Variants in ABCB1 observed in about 807,000 individuals in gnomAD.
ABCB1 encodes ATP binding cassette subfamily B member 1.
In ABCB1, 69 loss-of-function variants were observed where a neutral mutation model predicts 142.0. That is an observed-to-expected ratio of 0.49 (90% CI 0.40 to 0.59). The LOEUF (loss-of-function observed/expected upper bound fraction) is 0.59, where lower values mean the gene tolerates loss of function less well. ABCB1 is among the 20% of genes least tolerant of loss of function. The probability of loss-of-function intolerance (pLI) is 0.00; values close to 1 mark genes in which losing one functional copy is unlikely to be tolerated. For missense variants in ABCB1, 1,326 were observed against 1,554.7 expected (o/e 0.85, Z 2.47); for synonymous variants, 532 against 539.2 (o/e 0.99, Z 0.18).
intron 16 of ABCB1, 80 bp from the exon 17 acceptor site, chr7:87,544,355 A>G (rs1010558374): frequency 1.5e-6 from 2 of 1,361,222 alleles, no homozygotes; most frequent in East Asian, 4.6e-5. Flanking sequence ...AAAATTAGTA[A>G]AGGAATATAT....
chr7:87,596,820 T>C (rs1307139149), intron 2 of ABCB1, among the ~76,000 whole-genome samples: 2 of 152,054 alleles, frequency 1.3e-5, no homozygotes, highest in African/African-American at 4.8e-5. Flanking sequence ...AACACAACTC[T>C]TCAGGTTTGG....
intron 9 of ABCB1, among the ~76,000 whole-genome samples, chr7:87,553,317 C>CTTTTTTT (rs941637830): frequency 2.7e-5 from 3 of 112,662 alleles, no homozygotes; most frequent in African/African-American, 3.6e-5. Context: ...TTTTTTTCCA[C>CTTTTTTT]TTTTTTTTTT....
chr7:87,604,075 A>G (rs1819558658), upstream of ABCB1, among the ~76,000 whole-genome samples: 1 of 152,148 alleles, frequency 6.6e-6, no homozygotes, highest in Non-Finnish European at 1.5e-5. Flanking sequence ...CTCATATCCC[A>G]GCTCTGAGTC....
chr7:87,706,322 T>C (rs569269018), intron 1 of ABCB1, among the ~76,000 whole-genome samples: 2 of 152,254 alleles, frequency 1.3e-5, no homozygotes, highest in South Asian at 4.2e-4. Flanking sequence ...GTAATCTGAT[T>C]TCCATTTTAT....
chr7:87,591,291 T>C (rs954923261), intron 3 of ABCB1, among the ~76,000 whole-genome samples: 3 of 152,202 alleles, frequency 2.0e-5, no homozygotes, highest in East Asian at 1.9e-4. Flanking sequence ...TTTAGCCCAG[T>C]AAAACTTCGA....
At chr7:87,606,450 A>G (rs2130032002) in intron 1 of ABCB1, among the ~76,000 whole-genome samples, 1 of 152,290 alleles carries the variant, frequency 6.6e-6, no homozygotes, top group East Asian at 1.9e-4. Context: ...AGAAAAAAAT[A>G]TCAGCCAAAG....
intron 2 of ABCB1, among the ~76,000 whole-genome samples, chr7:87,598,160 A>G (rs1475747206): frequency 6.6e-6 from 1 of 152,176 alleles, no homozygotes; most frequent in Non-Finnish European, 1.5e-5. Context: ...CATGTAGAAA[A>G]TCCAATCTTT....
intron 17 of ABCB1, among the ~76,000 whole-genome samples, chr7:87,541,691 C>T (rs1013227462): frequency 7.2e-5 from 11 of 152,174 alleles, no homozygotes; most frequent in East Asian, 3.8e-4. Flanking sequence ...TTTTTCTGTT[C>T]GGATTCCCTC....
intron 23 of ABCB1, among the ~76,000 whole-genome samples, chr7:87,517,248 T>G (rs1395153092): frequency 6.6e-6 from 1 of 152,180 alleles, no homozygotes; most frequent in Admixed American, 6.5e-5. Flanking sequence ...TGGGCTGGCC[T>G]TGTGACTTGC....
At position 87,563,072 on chromosome 7, in the gene ABCB1, T is replaced by A. The variant is rs531399177; in HGVS notation, c.703-1685A>T. Among the ~76,000 whole-genome samples the A allele has an allele frequency of 2.0e-5, 3 of 152,278 alleles. No individual in the cohort carries two copies. In the East Asian group the frequency reaches 5.8e-4, roughly 29 times the overall value. ...AACTAGAAAATCTAGAATAAATGGA[T>A]AAATTACTGAACACATACATCCTCC... is the stretch of plus-strand genomic sequence containing the variant. On this transcript the variant is annotated intron_variant, in intron 7 of 27. Coordinates refer to ENST00000622132, the MANE Select transcript of ABCB1 (RefSeq NM_001348946.2).
At chr7:87,660,301 G>A (rs1824557969) in intron 1 of ABCB1, among the ~76,000 whole-genome samples, 1 of 151,892 alleles carries the variant, frequency 6.6e-6, no homozygotes, top group African/African-American at 2.4e-5. Context: ...ACTCTATTCA[G>A]GTTGTTGATT....
intron 1 of ABCB1, among the ~76,000 whole-genome samples, chr7:87,703,912 TGGTTTTTTTTTTTTTTTTTTTTTTTTTTG>T (rs2130711771): frequency 1.6e-5 from 1 of 62,764 alleles, no homozygotes; most frequent in African/African-American, 7.4e-5. Context: ...TTTTTTTTTT[TGGTTTTTTTTTTTTTTTTTTTTTTTTTTG>T]AGACAGTCTA....
chr7:87,589,805 G>A (rs866689530), intron 3 of ABCB1, among the ~76,000 whole-genome samples: 4 of 105,366 alleles, frequency 3.8e-5, no homozygotes, highest in Admixed American at 1.9e-4. Context: ...GAGAGAGAGA[G>A]GAGAGAGAGA....
chr7:87,554,376 A>G (rs772280843), intron 8 of ABCB1, among the ~76,000 whole-genome samples: 1 of 151,438 alleles, frequency 6.6e-6, no homozygotes, highest in Non-Finnish European at 1.5e-5. Context: ...ATCTCTGAAC[A>G]TTAAGGAAGT....
intron 4 of ABCB1, among the ~76,000 whole-genome samples, chr7:87,583,548 G>A (rs554618225): frequency 6.6e-6 from 1 of 152,258 alleles, no homozygotes; most frequent in Admixed American, 6.5e-5. Flanking sequence ...CTATGAAGAT[G>A]GAAATCTAAA....
chr7:87,702,087 G>A (rs1462672987), intron 1 of ABCB1, among the ~76,000 whole-genome samples: 1 of 126,808 alleles, frequency 7.9e-6, no homozygotes, highest in East Asian at 2.6e-4. Flanking sequence ...AGCTTGCAGT[G>A]AGCAGAGATC....
At chr7:87,699,131 A>C (rs545763142) in intron 1 of ABCB1, among the ~76,000 whole-genome samples, 2 of 152,256 alleles carry the variant, frequency 1.3e-5, no homozygotes, top group South Asian at 4.2e-4. Flanking sequence ...ATTGGTCCTA[A>C]AATGGTGCTT....
At chr7:87,669,841 T>G (rs991561014) in intron 1 of ABCB1, among the ~76,000 whole-genome samples, 1 of 152,240 alleles carries the variant, frequency 6.6e-6, no homozygotes, top group Non-Finnish European at 1.5e-5. Flanking sequence ...AGAGGTCCAC[T>G]GTTAGCCTAA....
chr7:87,521,527 C>G (rs1815508198), intron 21 of ABCB1: 1 of 757,054 alleles, frequency 1.3e-6, no homozygotes, highest in Non-Finnish European at 2.4e-6. Flanking sequence ...AGGTTGAGCT[C>G]TACATTGGTT....
Sources: gnomAD v4.1 joint callset for allele counts (sites outside exome capture counted in the v4.1 genomes callset) on GRCh38, gnomAD v4.1.1 for gene constraint, MANE v1.5 for transcripts, NCBI Gene and HGNC (gene_info 2026-07-23, HGNC 2026-07-21) for gene names.